Variants in GRB14 observed in about 807,000 individuals in gnomAD.
GRB14 encodes the protein growth factor receptor bound protein 14.
A neutral mutation model predicts 69.1 loss-of-function variants in GRB14; 38 were observed. The ratio of observed to expected loss-of-function variants is 0.55; its 90% CI spans 0.42 to 0.72. The LOEUF (loss-of-function observed/expected upper bound fraction) is 0.72, where lower values mean the gene tolerates loss of function less well. GRB14 is among the 30% of genes least tolerant of loss of function. GRB14 has a pLI of 0.00. For synonymous variants in GRB14, 247 were observed against 241.3 expected (o/e 1.02, Z -0.22); for missense variants, 666 against 666.1 (o/e 1.00, Z 0.00).
Position 164,581,702 on chromosome 2 carries a change from T to C in GRB14, c.325-33886A>G, listed in dbSNP as rs73971051. Among the ~76,000 whole-genome samples, 764 of 152,306 alleles carry C rather than the reference T, an allele frequency of 5.0e-3. 10 individuals carry two copies. Among genetic ancestry groups the C allele is most frequent in the African/African-American group, 0.018 (744 of 41,588 alleles). ...TTTTAAGTCACCAAATTTGTTGTAA[T>C]TTGTTACAGCAGCAAGGGGAAATAA... On this transcript the variant is annotated intron_variant, in intron 2 of 13. Transcript: ENST00000263915.
intron 3 of GRB14, among the ~76,000 whole-genome samples, chr2:164,535,017 T>C (rs1253247984): frequency 6.6e-6 from 1 of 152,148 alleles, no homozygotes; most frequent in Non-Finnish European, 1.5e-5. Flanking sequence ...TAAATTACAA[T>C]TGTCAACTAC....
intron 6 of GRB14, among the ~76,000 whole-genome samples, chr2:164,510,352 G>T (rs1481359773): frequency 6.6e-6 from 1 of 152,174 alleles, no homozygotes; most frequent in Non-Finnish European, 1.5e-5. Context: ...AACGGGCATG[G>T]TTAGCAAAAT....
intron 2 of GRB14, among the ~76,000 whole-genome samples, chr2:164,578,520 G>A (rs559051453): frequency 1.7e-4 from 14 of 81,272 alleles, no homozygotes; most frequent in South Asian, 7.5e-4. Flanking sequence ...GACAATTCGC[G>A]CGCACACACA....
chr2:164,535,614 G>A (rs1688060334), intron 3 of GRB14, among the ~76,000 whole-genome samples: 1 of 152,152 alleles, frequency 6.6e-6, no homozygotes. Context: ...TCTCTATGCT[G>A]GGTAGAAACT....
chr2:164,535,214 TA>T (rs1688050197), intron 3 of GRB14, among the ~76,000 whole-genome samples: 1 of 152,094 alleles, frequency 6.6e-6, no homozygotes, highest in East Asian at 1.9e-4. Context: ...CTTATGGTAA[TA>T]AAAAGAAATA....
chr2:164,555,565 T>C (rs1298883331), intron 2 of GRB14, among the ~76,000 whole-genome samples: 3 of 151,784 alleles, frequency 2.0e-5, no homozygotes, highest in Non-Finnish European at 4.4e-5. Context: ...AAATTTTAAA[T>C]TCAATAGTTA....
chr2:164,605,306 T>C (rs1232415894), intron 2 of GRB14, among the ~76,000 whole-genome samples: 1 of 151,924 alleles, frequency 6.6e-6, no homozygotes, highest in Non-Finnish European at 1.5e-5. Context: ...ACAGGAAGAG[T>C]ATATTCTATT....
At chr2:164,580,415 G>A (rs1300676680) in intron 2 of GRB14, among the ~76,000 whole-genome samples, 2 of 147,708 alleles carry the variant, frequency 1.4e-5, no homozygotes, top group East Asian at 4.5e-4. Context: ...TCTTTAGAGT[G>A]TATTCTAGGC....
At chr2:164,616,078 A>C (rs1400382486) in intron 2 of GRB14, among the ~76,000 whole-genome samples, 1 of 152,206 alleles carries the variant, frequency 6.6e-6, no homozygotes, top group Non-Finnish European at 1.5e-5. Context: ...AACACAAAGA[A>C]AGATGCCTAG....
intron 2 of GRB14, among the ~76,000 whole-genome samples, chr2:164,587,827 T>C (rs1433961858): frequency 2.6e-5 from 4 of 152,136 alleles, no homozygotes; most frequent in Non-Finnish European, 5.9e-5. Flanking sequence ...GCACTGGACA[T>C]AAAGCTTTTC....
At chr2:164,556,928 G>A (rs1245327592) in intron 2 of GRB14, among the ~76,000 whole-genome samples, 4 of 128,002 alleles carry the variant, frequency 3.1e-5, no homozygotes, top group Non-Finnish European at 7.8e-5. Flanking sequence ...GTATGAGACA[G>A]TATTAGTGAA....
At chr2:164,590,649 A>G (rs762084545) in intron 2 of GRB14, among the ~76,000 whole-genome samples, 1 of 152,198 alleles carries the variant, frequency 6.6e-6, no homozygotes, top group Non-Finnish European at 1.5e-5. Context: ...CTGACACTGG[A>G]GGAATTCTAC....
At chr2:164,604,640 T>C (rs1478874075) in intron 2 of GRB14, among the ~76,000 whole-genome samples, 2 of 143,816 alleles carry the variant, frequency 1.4e-5, no homozygotes, top group Non-Finnish European at 3.1e-5. Flanking sequence ...TCTTCTTTCT[T>C]AAAAAAAAAA....
intron 2 of GRB14, among the ~76,000 whole-genome samples, chr2:164,578,634 G>A (rs1288875182): frequency 1.3e-5 from 2 of 152,022 alleles, no homozygotes; most frequent in South Asian, 2.1e-4. Flanking sequence ...GCATCTTCAT[G>A]AGTTGGACAA....
intron 2 of GRB14, among the ~76,000 whole-genome samples, chr2:164,576,874 T>A (rs1689264417): frequency 6.8e-6 from 1 of 147,550 alleles, no homozygotes; most frequent in East Asian, 2.0e-4. Flanking sequence ...ATCTGGTCTT[T>A]GGGGAAAACA....
chr2:164,565,803 G>A (rs1688956594), intron 2 of GRB14, among the ~76,000 whole-genome samples: 1 of 152,116 alleles, frequency 6.6e-6, no homozygotes, highest in South Asian at 2.1e-4. Flanking sequence ...TTACTTGATA[G>A]AGAATCTACC....
chr2:164,610,161 C>G (rs916949489), intron 2 of GRB14, among the ~76,000 whole-genome samples: 1 of 152,144 alleles, frequency 6.6e-6, no homozygotes, highest in Non-Finnish European at 1.5e-5. Flanking sequence ...ATATGTCTCC[C>G]CACTTCCATC....
intron 6 of GRB14, among the ~76,000 whole-genome samples, chr2:164,518,707 A>G (rs903139039): frequency 3.9e-5 from 6 of 152,138 alleles, no homozygotes; most frequent in African/African-American, 1.2e-4. Context: ...AATACCAGAG[A>G]AATACAAAAG....
At chr2:164,508,920 T>A in intron 6 of GRB14, 68 bp from the exon 7 acceptor site, 2 of 1,030,252 alleles carry the variant, frequency 1.9e-6, no homozygotes, top group Non-Finnish European at 2.7e-6. Context: ...TTATATTATA[T>A]AATTTATACC....
Sources: allele counts gnomAD v4.1 joint callset (sites outside exome capture counted in the v4.1 genomes callset), GRCh38; gene constraint gnomAD v4.1.1; transcripts MANE v1.5; gene names NCBI Gene and HGNC (gene_info 2026-07-23, HGNC 2026-07-21).